Variants in IL15 observed in about 807,000 individuals in gnomAD.
IL15 encodes the protein interleukin 15.
In IL15, 11 loss-of-function variants were observed where a neutral mutation model predicts 19.6. That is an observed-to-expected ratio of 0.56 (90% confidence interval 0.35 to 0.93). The LOEUF (loss-of-function observed/expected upper bound fraction) is 0.93, where lower values mean the gene tolerates loss of function less well. Ranked by LOEUF, IL15 falls within the 40% of genes least tolerant of loss-of-function variation. The pLI is 0.01. For synonymous variants in IL15, 58 were observed against 59.6 expected, an observed-to-expected ratio of 0.97 and a Z score of 0.12; for missense variants, 197 against 186.5, an observed-to-expected ratio of 1.06 and a Z score of -0.33.
intron 2 of IL15, among the ~76,000 whole-genome samples, chr4:141,693,262 T>C (rs1728984358): frequency 6.6e-6 from 1 of 152,022 alleles, no homozygotes; most frequent in Admixed American, 6.6e-5. Context: ...GAGAACAGCA[T>C]GAGGGATACT....
chr4:141,664,348 CACACACACA>C (rs1344126272), intron 2 of IL15, among the ~76,000 whole-genome samples: 11 of 119,480 alleles, frequency 9.2e-5, no homozygotes, highest in African/African-American at 4.3e-4. Context: ...GCAAAACACA[CACACACACA>C]CACACACACA....
intron 2 of IL15, among the ~76,000 whole-genome samples, chr4:141,690,296 AG>A (rs1049937902): frequency 2.0e-5 from 3 of 152,292 alleles, no homozygotes; most frequent in Non-Finnish European, 4.4e-5. Context: ...CAGCGCAGAA[AG>A]GGGCTCCCAC....
At chr4:141,680,048 A>G (rs923577634) in intron 2 of IL15, among the ~76,000 whole-genome samples, 2 of 152,236 alleles carry the variant, frequency 1.3e-5, no homozygotes, top group Admixed American at 6.5e-5. Context: ...AGTTTCCACT[A>G]TACAAGAACC....
chr4:141,645,184 T>C (rs1373789821), intron 1 of IL15, among the ~76,000 whole-genome samples: 2 of 152,152 alleles, frequency 1.3e-5, no homozygotes, highest in Admixed American at 1.3e-4. Flanking sequence ...CTCCGTTAGA[T>C]AAAAGACATA....
intron 1 of IL15, among the ~76,000 whole-genome samples, chr4:141,650,036 C>A (rs1326144307): frequency 1.3e-5 from 2 of 151,922 alleles, no homozygotes; most frequent in African/African-American, 4.8e-5. Flanking sequence ...TAATAATCAC[C>A]ATTCATTTGT....
chr4:141,719,273 A>C (rs977342575), intron 2 of IL15, 93 bp from the exon 3 acceptor site: 18 of 474,012 alleles, frequency 3.8e-5, no homozygotes, highest in African/African-American at 3.2e-4. Flanking sequence ...TAGAGTGCTT[A>C]TTAAAAGGTA....
At chr4:141,714,525 C>T (rs1173263026) in intron 2 of IL15, 2 of 152,264 alleles carry the variant, frequency 1.3e-5, no homozygotes, top group Non-Finnish European at 2.9e-5. Flanking sequence ...ACTTTCTTGT[C>T]AGCCATCCCA....
intron 2 of IL15, among the ~76,000 whole-genome samples, chr4:141,677,918 AC>A (rs1272087555): frequency 6.6e-6 from 1 of 152,204 alleles, no homozygotes; most frequent in East Asian, 1.9e-4. Flanking sequence ...AATTCTGCTT[AC>A]CATATCATAT....
intron 2 of IL15, among the ~76,000 whole-genome samples, chr4:141,686,879 A>G (rs1459603660): frequency 6.6e-6 from 1 of 152,218 alleles, no homozygotes; most frequent in Non-Finnish European, 1.5e-5. Flanking sequence ...ACACATTTTT[A>G]GATGCATACA....
chr4:141,641,663 G>A (rs975563708), intron 1 of IL15, among the ~76,000 whole-genome samples: 12 of 146,142 alleles, frequency 8.2e-5, no homozygotes, highest in African/African-American at 2.8e-4. Context: ...GACACAGGAA[G>A]GGGAACATCA....
In IL15 at chr4:141,642,205, G is replaced by C. The variant is rs191196355; in HGVS notation, c.-222+5457G>C. On this transcript the variant is annotated intron_variant, in intron 1 of 7. Transcript: ENST00000320650. ...TTAAGATTCTGGATAGGGAGAGATAGGCATTTTTTTCCTAAAGTGGGAGAA... is the reference window on the plus strand; with the variant it reads ...TTAAGATTCTGGATAGGGAGAGATACGCATTTTTTTCCTAAAGTGGGAGAA... 3.1e-3 allele frequency among the ~76,000 whole-genome samples: 478 copies of C among 152,218 alleles called. 1 individual carries two copies. Among genetic ancestry groups the C allele is most frequent in the Middle Eastern group, 3.4e-3 (1 of 294 alleles).
At chr4:141,642,667 C>A (rs1727090861) in intron 1 of IL15, among the ~76,000 whole-genome samples, 1 of 152,204 alleles carries the variant, frequency 6.6e-6, no homozygotes, top group Non-Finnish European at 1.5e-5. Context: ...CCTCAGTGTC[C>A]AGACACACTT....
At chr4:141,668,497 A>C (rs2152166076) in intron 2 of IL15, among the ~76,000 whole-genome samples, 1 of 152,244 alleles carries the variant, frequency 6.6e-6, no homozygotes, top group Non-Finnish European at 1.5e-5. Flanking sequence ...TTGTTGTCAC[A>C]TTTGGTCGTT....
intron 2 of IL15, among the ~76,000 whole-genome samples, chr4:141,682,610 A>G (rs192646206): frequency 9.2e-5 from 14 of 152,284 alleles, no homozygotes; most frequent in Admixed American, 5.2e-4. Context: ...GAACACATGT[A>G]CATACATGTG....
chr4:141,683,170 G>A (rs1450967523), intron 2 of IL15, among the ~76,000 whole-genome samples: 1 of 151,984 alleles, frequency 6.6e-6, no homozygotes, highest in African/African-American at 2.4e-5. Flanking sequence ...TCGGGAGGCT[G>A]AGGCAGGAGA....
chr4:141,663,304 T>C (rs1162003259), intron 2 of IL15, among the ~76,000 whole-genome samples: 1 of 152,192 alleles, frequency 6.6e-6, no homozygotes, highest in Non-Finnish European at 1.5e-5. Flanking sequence ...AGAAATTGGG[T>C]GATCCCTTTC....
At chr4:141,721,486 T>C (rs562068447) in intron 4 of IL15, 16 of 563,628 alleles carry the variant, frequency 2.8e-5, no homozygotes, top group South Asian at 2.2e-4. Context: ...AAAAATTTAC[T>C]ATCAAAATCA....
intron 2 of IL15, among the ~76,000 whole-genome samples, chr4:141,678,396 T>C (rs1247574081): frequency 2.0e-5 from 3 of 152,144 alleles, no homozygotes; most frequent in Non-Finnish European, 4.4e-5. Context: ...TTTTTTCTGC[T>C]TAATTAAATC....
At chr4:141,688,426 G>A (rs561074377) in intron 2 of IL15, among the ~76,000 whole-genome samples, 24 of 152,238 alleles carry the variant, frequency 1.6e-4, no homozygotes, top group African/African-American at 5.8e-4. Flanking sequence ...TCCAATTCCA[G>A]AAATGTTCAA....
Sources: allele counts gnomAD v4.1 joint callset (sites outside exome capture counted in the v4.1 genomes callset), GRCh38; gene constraint gnomAD v4.1.1; transcripts MANE v1.5; gene names NCBI Gene and HGNC (gene_info 2026-07-23, HGNC 2026-07-21).